The following ZC3HAV1 variants were observed in gnomAD, a reference collection of about 807,000 sequenced individuals.
ZC3HAV1 encodes the protein zinc finger CCCH-type antiviral protein 1.
ZC3HAV1 carries 41 observed loss-of-function variants against 86.6 expected under a neutral mutation model. That is an observed-to-expected ratio of 0.47 (90% confidence interval 0.37 to 0.61). The LOEUF (loss-of-function observed/expected upper bound fraction) is 0.61, where lower values mean the gene tolerates loss of function less well. Ranked by LOEUF, ZC3HAV1 falls within the 20% of genes least tolerant of loss-of-function variation. The pLI is 0.00. For missense variants in ZC3HAV1, 964 were observed against 1,141.1 expected (o/e 0.84, Z 2.24); for synonymous variants, 421 against 432.1 (o/e 0.97, Z 0.32).
chr7:139,097,415 TATATATATA>T (rs1563140597), intron 1 of ZC3HAV1, among the ~76,000 whole-genome samples: 15 of 80,014 alleles, frequency 1.9e-4, no homozygotes, highest in East Asian at 3.8e-4. Flanking sequence ...TATATATATA[TATATATATA>T]TATATTTTTT....
chr7:139,070,361 C>A (rs1816732817), intron 7 of ZC3HAV1, among the ~76,000 whole-genome samples: 1 of 152,098 alleles, frequency 6.6e-6, no homozygotes, highest in Admixed American at 6.6e-5. Context: ...CCAGCGAGAA[C>A]TTTGTATTAA....
At chr7:139,105,047 AAAAAAAG>A (rs1817893566) in intron 1 of ZC3HAV1, among the ~76,000 whole-genome samples, 1 of 151,000 alleles carries the variant, frequency 6.6e-6, no homozygotes, top group Non-Finnish European at 1.5e-5. Context: ...AAAAAAAAAA[AAAAAAAG>A]AAAAGAAAAG....
chr7:139,074,071 A>T, intron 6 of ZC3HAV1, 41 bp from the exon 7 acceptor site: 1 of 1,563,004 alleles, frequency 6.4e-7, no homozygotes, highest in Non-Finnish European at 8.7e-7. Context: ...TGCTTCATTG[A>T]CCCCTGTTTT....
rs1364520816 is a variant in ZC3HAV1 at position 139,044,575 on chromosome 7, T to C, written c.*3019A>G. 6.6e-6 allele frequency: 1 copy of C among 152,370 alleles called. No homozygotes were observed. The highest frequency in any genetic ancestry group is 6.6e-5 in the Admixed American group (1 of 15,256). The allele number at this position is 152,370 out of a possible 1,614,324, so 9.4% of individuals were successfully genotyped here. ...TCAGCAAAGAGAATGTTACAAAATA[T>C]CTGCTCTGAAAAAGGTGAATAGATC... On this transcript the variant is annotated 3_prime_UTR_variant, in exon 13 of 13. Coordinates refer to ENST00000242351, the MANE Select transcript of ZC3HAV1 (RefSeq NM_020119.4).
intron 12 of ZC3HAV1, 23 bp downstream of exon 12, chr7:139,053,428 C>G (rs368024178): frequency 2.6e-6 from 4 of 1,552,612 alleles, no homozygotes; most frequent in Non-Finnish European, 2.6e-6. Flanking sequence ...CTACTAGTTA[C>G]GCTTCTCTAT....
At chr7:139,078,041 C>T (rs1298606488) in intron 5 of ZC3HAV1, among the ~76,000 whole-genome samples, 1 of 152,170 alleles carries the variant, frequency 6.6e-6, no homozygotes, top group Non-Finnish European at 1.5e-5. Context: ...GAGTTCAAGA[C>T]CAGCCTGGCC....
intron 1 of ZC3HAV1, among the ~76,000 whole-genome samples, chr7:139,097,426 A>ATTTTTTTTT (rs1177588546): frequency 8.0e-5 from 6 of 75,290 alleles, no homozygotes; most frequent in African/African-American, 3.9e-4. Flanking sequence ...ATATATATAT[A>ATTTTTTTTT]TATTTTTTTT....
rs767010548 is a variant in ZC3HAV1, at chr7:139,053,487, A to C, written c.2413T>G (p.Phe805Val). The change falls in exon 12 of 13, where the codon TTC (phenylalanine) becomes GTC (valine). Residue 805 changes from phenylalanine (F) to valine (V), a missense_variant. Phe to Val is a conservative substitution (Grantham distance 50). Transcript: ENST00000242351. ...ESICSNNFDS[F>V]LHETHENKYG... is the part of the protein sequence containing the mutation. ...TTGTTTTCATGAGTTTCATGTAGGA[A>C]ACTGTCAAAATTATTCGAACAGATA... 4 of 1,602,590 alleles carry C rather than the reference A, an allele frequency of 2.5e-6. No individual in the cohort carries two copies. The Admixed American group carries it at 7.0e-5, about 28-fold the overall frequency.
At chr7:139,068,221 G>A (rs1321011725) in intron 7 of ZC3HAV1, among the ~76,000 whole-genome samples, 3 of 151,486 alleles carry the variant, frequency 2.0e-5, no homozygotes, top group South Asian at 2.1e-4. Flanking sequence ...CACCACACCC[G>A]GCTGATTCTT....
Position 139,109,244 on chromosome 7 carries a change from T to C in ZC3HAV1, c.88A>G (p.Ile30Val). Residue 30 changes from isoleucine (I) to valine (V), a missense_variant, in exon 1 of 13, where the codon ATC becomes GTC. Ile to Val is a conservative substitution (Grantham distance 29). Coordinates refer to ENST00000242351, the MANE Select transcript of ZC3HAV1 (RefSeq NM_020119.4). ...CAGAGCTGCGGCTCAGACAGCGCGA[T>C]CTCCTGGAGCAGCGCGTCCAGGGCC... Reference protein sequence around the residue: ...RMALDALLQEIALSEPQLCEV... With the variant: ...RMALDALLQEVALSEPQLCEV... 2 of 1,611,936 alleles carry C rather than the reference T, an allele frequency of 1.2e-6. No individual in the cohort carries two copies. The highest frequency in any genetic ancestry group is 2.7e-5 in the African/African-American group (2 of 74,998).
intron 9 of ZC3HAV1, among the ~76,000 whole-genome samples, chr7:139,056,052 T>C (rs1816271942): frequency 6.6e-6 from 1 of 152,236 alleles, no homozygotes; most frequent in Non-Finnish European, 1.5e-5. Context: ...ATCAATTGTA[T>C]AGCATACTTG....
intron 7 of ZC3HAV1, among the ~76,000 whole-genome samples, chr7:139,067,078 T>C (rs1469744360): frequency 6.6e-6 from 1 of 152,136 alleles, no homozygotes; most frequent in African/African-American, 2.4e-5. Context: ...GAACATTCTG[T>C]GGTGATGAAA....
Position 139,109,182 on chromosome 7 carries a change from C to T in ZC3HAV1, c.150G>A (p.Val50=), listed in dbSNP as rs1426318550. Residue 50 remains valine, a synonymous_variant, in exon 1 of 13, where the codon GTG becomes GTA. Transcript: ENST00000242351. ...VLQVAGPDRF[V]VLETGGEAGI... ...CGGCCTCGCCGCCGGTCTCCAACAC[C>T]ACAAAGCGGTCGGGCCCGGCCACCT... 6.2e-7 allele frequency: 1 copy of T among 1,604,554 alleles called. No individual in the cohort carries two copies.
chr7:139,051,177 C>A (rs1341228524), intron 12 of ZC3HAV1, among the ~76,000 whole-genome samples: 3 of 151,894 alleles, frequency 2.0e-5, no homozygotes, highest in Admixed American at 2.0e-4. Context: ...CCTGCCTCAG[C>A]CTCCCAAGTA....
intron 1 of ZC3HAV1, among the ~76,000 whole-genome samples, chr7:139,101,505 G>A (rs1211419897): frequency 9.8e-6 from 1 of 102,384 alleles, no homozygotes; most frequent in African/African-American, 3.9e-5. Context: ...ACCCCGTCTG[G>A]GAGGTGTACC....
intron 6 of ZC3HAV1, among the ~76,000 whole-genome samples, chr7:139,075,295 T>C (rs892835999): frequency 1.3e-5 from 2 of 152,182 alleles, no homozygotes; most frequent in Admixed American, 1.3e-4. Context: ...TAAATTCTCA[T>C]ATGATGAAAA....
chr7:139,095,932 C>T (rs146571819), intron 1 of ZC3HAV1, among the ~76,000 whole-genome samples: 47 of 152,306 alleles, frequency 3.1e-4, no homozygotes, highest in African/African-American at 1.1e-3. Context: ...GTTTGAGAAA[C>T]ATTGCCCTAG....
chr7:139,068,494 T>G (rs1024327460), intron 7 of ZC3HAV1, among the ~76,000 whole-genome samples: 1 of 152,248 alleles, frequency 6.6e-6, no homozygotes, highest in African/African-American at 2.4e-5. Flanking sequence ...TGGCATATTT[T>G]TAACTCCTTC....
At chr7:139,096,303 C>T (rs7811533) in intron 1 of ZC3HAV1, among the ~76,000 whole-genome samples, 36,831 of 151,834 alleles carry the variant, frequency 0.24, 4,657 homozygotes, top group East Asian at 0.42. Flanking sequence ...CGTGAGCCAC[C>T]GTACCCGACC....
Sources: gnomAD v4.1 joint callset for allele counts (sites outside exome capture counted in the v4.1 genomes callset) on GRCh38, gnomAD v4.1.1 for gene constraint, MANE v1.5 for transcripts, NCBI Gene and HGNC (gene_info 2026-07-23, HGNC 2026-07-21) for gene names.